Variants in RAD51B observed in about 807,000 individuals in gnomAD.
RAD51B encodes the protein RAD51 paralog B, also known as DNA repair protein RAD51 homolog 2.
A neutral mutation model predicts 42.2 loss-of-function variants in RAD51B; 38 were observed. The observed-to-expected ratio is 0.90, with a 90% CI of 0.70 to 1.18. The LOEUF (loss-of-function observed/expected upper bound fraction) is 1.18, where lower values mean the gene tolerates loss of function less well. Among genes scored for constraint, RAD51B ranks in the 50% most tolerant of loss-of-function variants. RAD51B has a pLI of 0.00. For missense variants in RAD51B, 373 were observed against 400.7 expected (o/e 0.93, Z 0.59); for synonymous variants, 154 against 145.2 (o/e 1.06, Z -0.43).
chr14:67,916,591 G>C (rs896068387), intron 7 of RAD51B, among the ~76,000 whole-genome samples: 7 of 151,910 alleles, frequency 4.6e-5, no homozygotes, highest in Non-Finnish European at 1.0e-4. Context: ...CTCAAAGCTT[G>C]GGCTTGGAAG....
At chr14:68,477,265 A>G (rs1033500109) in intron 10 of RAD51B, among the ~76,000 whole-genome samples, 6 of 152,224 alleles carry the variant, frequency 3.9e-5, no homozygotes, top group African/African-American at 1.4e-4. Flanking sequence ...TATAGCACAA[A>G]ACATCTAAAT....
intron 7 of RAD51B, among the ~76,000 whole-genome samples, chr14:68,172,449 T>G (rs2078891855): frequency 6.6e-6 from 1 of 152,206 alleles, no homozygotes; most frequent in Non-Finnish European, 1.5e-5. Context: ...TTAGCTAGAT[T>G]AAGAGGCTTT....
chr14:68,171,485 G>A (rs1054529695), intron 7 of RAD51B, among the ~76,000 whole-genome samples: 5 of 151,658 alleles, frequency 3.3e-5, no homozygotes, highest in African/African-American at 1.2e-4. Context: ...ATTTTTAGTA[G>A]AGACAGTGTT....
In RAD51B at chr14:68,505,546, CTT is replaced by C. The variant is rs34764928; in HGVS notation, c.1036+37317_1036+37318del. 2.0e-3 allele frequency among the ~76,000 whole-genome samples: 222 copies of C among 112,082 alleles called. 1 individual carries two copies. Among genetic ancestry groups the C allele is most frequent in the Middle Eastern group, 5.0e-3 (1 of 202 alleles). The allele number at this position is 112,082 out of a possible 152,430, so 73.5% of individuals were successfully genotyped here. ...CAAATGAACTTGTAGATTAGCCAAT[CTT>C]TTTTTTTTTTTTTTTTTTTTGAGAC... is the stretch of plus-strand genomic sequence containing the variant. On this transcript the variant is annotated intron_variant, in intron 10 of 10. Transcript: ENST00000487270.
At chr14:68,295,880 C>T (rs984825829) in intron 8 of RAD51B, among the ~76,000 whole-genome samples, 2 of 152,042 alleles carry the variant, frequency 1.3e-5, no homozygotes, top group Admixed American at 6.6e-5. Flanking sequence ...GACCTTGCCC[C>T]CCGCCCCCAA....
intron 11 of RAD51B, among the ~76,000 whole-genome samples, chr14:68,667,710 A>G (rs1893061222): frequency 6.6e-6 from 1 of 152,354 alleles, no homozygotes; most frequent in East Asian, 1.9e-4. Flanking sequence ...TGATTGCTCA[A>G]TTCAGTCTGG....
chr14:67,844,770 T>TC, intron 4 of RAD51B, among the ~76,000 whole-genome samples: 1 of 151,814 alleles, frequency 6.6e-6, no homozygotes. Context: ...CCTTCCCCGC[T>TC]CCCCCCACCC....
At chr14:68,570,915 GCACA>G (rs750119992) in intron 10 of RAD51B, among the ~76,000 whole-genome samples, 2 of 147,968 alleles carry the variant, frequency 1.4e-5, no homozygotes, top group South Asian at 2.2e-4. Context: ...ACACACACAT[GCACA>G]CACACACACA....
At chr14:67,953,794 A>G (rs955364696) in intron 7 of RAD51B, among the ~76,000 whole-genome samples, 3 of 152,190 alleles carry the variant, frequency 2.0e-5, no homozygotes, top group African/African-American at 4.8e-5. Context: ...TGGTTGTACC[A>G]TTAACAGAAA....
At chr14:68,586,028 C>G (rs1438044309) in intron 10 of RAD51B, among the ~76,000 whole-genome samples, 2 of 152,156 alleles carry the variant, frequency 1.3e-5, no homozygotes, top group Non-Finnish European at 2.9e-5. Flanking sequence ...CTTTGCGTTT[C>G]ACAGTGAATC....
chr14:68,642,822 A>G (rs746333954), intron 10 of RAD51B, among the ~76,000 whole-genome samples: 1 of 152,230 alleles, frequency 6.6e-6, no homozygotes, highest in Non-Finnish European at 1.5e-5. Context: ...CTTAAATCCA[A>G]GTATTTTTAA....
At chr14:67,823,491 T>C in intron 1 of RAD51B, 51 bp from the exon 2 acceptor site, 1 of 1,516,464 alleles carries the variant, frequency 6.6e-7, no homozygotes, top group Non-Finnish European at 9.1e-7. Context: ...TCACTTATGT[T>C]ATATTCTGTT....
chr14:68,348,774 C>T (rs1336082853), intron 8 of RAD51B, among the ~76,000 whole-genome samples: 2 of 152,156 alleles, frequency 1.3e-5, no homozygotes, highest in African/African-American at 4.8e-5. Flanking sequence ...TGGGGGGCGC[C>T]TGTAGTCCCA....
chr14:68,255,665 G>A (rs2080739143), intron 7 of RAD51B, among the ~76,000 whole-genome samples: 1 of 152,208 alleles, frequency 6.6e-6, no homozygotes, highest in Admixed American at 6.5e-5. Flanking sequence ...CCTGTAATAA[G>A]TTAGTAGTTT....
At chr14:68,572,973 C>T (rs1412691649) in intron 10 of RAD51B, among the ~76,000 whole-genome samples, 1 of 152,094 alleles carries the variant, frequency 6.6e-6, no homozygotes, top group African/African-American at 2.4e-5. Flanking sequence ...GATGAAACAG[C>T]CTACCAAGGG....
chr14:68,623,036 G>C (rs1891990151), intron 10 of RAD51B, among the ~76,000 whole-genome samples: 1 of 152,178 alleles, frequency 6.6e-6, no homozygotes, highest in Non-Finnish European at 1.5e-5. Flanking sequence ...CCTAACCACA[G>C]ACCCAAGCTC....
At chr14:68,482,993 G>A (rs1238443060), downstream of RAD51B, among the ~76,000 whole-genome samples, 1 of 152,134 alleles carries the variant, frequency 6.6e-6, no homozygotes, top group Admixed American at 6.5e-5. Flanking sequence ...GTATTAACAT[G>A]CACTGCCACA....
intron 7 of RAD51B, among the ~76,000 whole-genome samples, chr14:68,146,121 A>G (rs2078244018): frequency 2.6e-5 from 4 of 152,148 alleles, no homozygotes; most frequent in Admixed American, 2.6e-4. Flanking sequence ...TAGGAAACAA[A>G]AGCTAAGATG....
rs894540706 is a variant in RAD51B, at chr14:68,505,549, T to C, written c.1036+37299T>C. On this transcript the variant is annotated intron_variant, in intron 10 of 10. Transcript: ENST00000487270. ...ATGAACTTGTAGATTAGCCAATCTTTTTTTTTTTTTTTTTTTTTTGAGACG... is the reference window on the plus strand; with the variant it reads ...ATGAACTTGTAGATTAGCCAATCTTCTTTTTTTTTTTTTTTTTTTGAGACG... Among the ~76,000 whole-genome samples, 17 of 146,262 alleles carry C rather than the reference T, an allele frequency of 1.2e-4. No homozygotes were observed. The East Asian group carries it at 3.2e-3, about 27-fold the overall frequency.
Sources: gnomAD v4.1 joint callset for allele counts (sites outside exome capture counted in the v4.1 genomes callset) on GRCh38, gnomAD v4.1.1 for gene constraint, MANE v1.5 for transcripts, NCBI Gene and HGNC (gene_info 2026-07-23, HGNC 2026-07-21) for gene names.